Variants in MYH10 observed in about 807,000 individuals in gnomAD.
The protein encoded by MYH10 is myosin heavy chain 10.
In MYH10, 55 loss-of-function variants were observed where a neutral mutation model predicts 257.8. That is an observed-to-expected ratio of 0.21 (90% confidence interval 0.17 to 0.27). The LOEUF is 0.27. Ranked by LOEUF, MYH10 falls within the 10% of genes least tolerant of loss-of-function variation. The pLI is 1.00. For synonymous variants in MYH10, 854 were observed against 921.7 expected (o/e 0.93, Z 1.33); for missense variants, 1,631 against 2,500.6 (o/e 0.65, Z 7.42).
At chr17:8,505,718 C>T (rs752369779) in intron 27 of MYH10, among the ~76,000 whole-genome samples, 3 of 152,180 alleles carry the variant, frequency 2.0e-5, no homozygotes, top group East Asian at 1.9e-4. Flanking sequence ...AGGTGGCTCA[C>T]GCCTGTAATC....
chr17:8,480,426 G>T lies in MYH10; in HGVS notation c.5364C>A (p.Asp1788Glu). ...EEQSNMELLN[D>E]RFRKTTLQVD... ...CCTGTAGAGTGGTCTTGCGGAAGCG[G>T]TCGTTGAGCAGCTCCATGTTGCTCT... Residue 1788 changes from aspartate (D) to glutamate (E), a missense_variant, in exon 39 of 43, where the codon GAC becomes GAA. By Grantham distance (45) the Asp-to-Glu change is conservative. Around this residue, in one of 11 missense-constraint regions of MYH10, gnomAD observed 343 missense variants for 389.5 expected, o/e 0.88. Coordinates refer to ENST00000360416, the MANE Select transcript of MYH10 (RefSeq NM_001256012.3). 3.7e-6 allele frequency: 6 copies of T among 1,613,280 alleles called. No individual in the cohort carries two copies. Among genetic ancestry groups the T allele is most frequent in the Non-Finnish European group, 5.1e-6 (6 of 1,180,014 alleles).
At chr17:8,500,727 C>T (rs1474152531) in intron 29 of MYH10, 99 bp downstream of exon 29, 2 of 1,414,948 alleles carry the variant, frequency 1.4e-6, no homozygotes, top group Non-Finnish European at 1.9e-6. Context: ...AGGCTGGAGC[C>T]TAATCAATAC....
intron 17 of MYH10, among the ~76,000 whole-genome samples, chr17:8,521,787 T>A (rs1188134766): frequency 6.6e-6 from 1 of 152,160 alleles, no homozygotes; most frequent in African/African-American, 2.4e-5. Flanking sequence ...GTGAGAAAAG[T>A]CATTCAAGTT....
At chr17:8,573,170 T>C (rs1440600555) in intron 6 of MYH10, among the ~76,000 whole-genome samples, 1 of 152,214 alleles carries the variant, frequency 6.6e-6, no homozygotes, top group Non-Finnish European at 1.5e-5. Flanking sequence ...TATTACATAG[T>C]ATATAATATA....
At chr17:8,547,543 T>C (rs2151954472) in intron 11 of MYH10, among the ~76,000 whole-genome samples, 1 of 151,776 alleles carries the variant, frequency 6.6e-6, no homozygotes, top group African/African-American at 2.4e-5. Context: ...AAATTGGTTA[T>C]AAAAAACGAT....
chr17:8,484,933 A>T (rs1914503835), intron 36 of MYH10, among the ~76,000 whole-genome samples: 1 of 152,232 alleles, frequency 6.6e-6, no homozygotes, highest in Admixed American at 6.5e-5. Flanking sequence ...TCTACTTAAC[A>T]ATGCAATAGA....
At chr17:8,508,107 T>G (rs560332024) in intron 26 of MYH10, among the ~76,000 whole-genome samples, 1 of 152,326 alleles carries the variant, frequency 6.6e-6, no homozygotes, top group Middle Eastern at 3.4e-3. Flanking sequence ...TGCGGTTGCA[T>G]GATCATAGCT....
chr17:8,620,488 A>C (rs2085423297), intron 2 of MYH10, among the ~76,000 whole-genome samples: 2 of 152,290 alleles, frequency 1.3e-5, no homozygotes, highest in South Asian at 4.1e-4. Context: ...TGGGGGTCAG[A>C]GAGAATAAAT....
chr17:8,523,509 C>T (rs909974032), intron 17 of MYH10, among the ~76,000 whole-genome samples: 1 of 152,186 alleles, frequency 6.6e-6, no homozygotes, highest in Non-Finnish European at 1.5e-5. Flanking sequence ...GATGACCACT[C>T]CAGTCGGTGC....
chr17:8,516,308 T>C (rs966396106), intron 21 of MYH10, among the ~76,000 whole-genome samples: 1 of 152,264 alleles, frequency 6.6e-6, no homozygotes, highest in African/African-American at 2.4e-5. Context: ...TGGATTTCTG[T>C]AAAGATACCT....
At chr17:8,553,841 G>T in intron 8 of MYH10, 114 bp downstream of exon 8, 1 of 803,392 alleles carries the variant, frequency 1.2e-6, no homozygotes, top group Non-Finnish European at 2.1e-6. Context: ...GCTATCTCTG[G>T]GCTCAAGTTT....
intron 2 of MYH10, among the ~76,000 whole-genome samples, chr17:8,606,803 A>G (rs904865441): frequency 6.6e-6 from 1 of 152,208 alleles, no homozygotes; most frequent in African/African-American, 2.4e-5. Flanking sequence ...TACTGAGCAG[A>G]CCAGGAGGTT....
intron 28 of MYH10, among the ~76,000 whole-genome samples, chr17:8,503,686 G>A (rs1247256705): frequency 1.3e-5 from 2 of 152,142 alleles, no homozygotes; most frequent in Non-Finnish European, 2.9e-5. Context: ...TTCCCTCCTG[G>A]TTGCTCTGGG....
intron 4 of MYH10, among the ~76,000 whole-genome samples, chr17:8,588,268 A>G (rs1254888234): frequency 6.6e-6 from 1 of 152,090 alleles, no homozygotes; most frequent in Non-Finnish European, 1.5e-5. Flanking sequence ...CTGCATTTCT[A>G]GCACAGATCT....
At chr17:8,502,326 C>A (rs1000393705) in intron 28 of MYH10, among the ~76,000 whole-genome samples, 3 of 152,158 alleles carry the variant, frequency 2.0e-5, no homozygotes, top group African/African-American at 7.2e-5. Flanking sequence ...TCTTTGTGGT[C>A]CAGCCTAGCT....
intron 6 of MYH10, among the ~76,000 whole-genome samples, chr17:8,570,746 C>A (rs1209915273): frequency 6.6e-6 from 1 of 152,110 alleles, no homozygotes; most frequent in African/African-American, 2.4e-5. Flanking sequence ...ATATAAAGAA[C>A]CTCACATGAG....
intron 30 of MYH10, among the ~76,000 whole-genome samples, chr17:8,497,861 T>G (rs1916896403): frequency 6.6e-6 from 1 of 151,938 alleles, no homozygotes; most frequent in South Asian, 2.1e-4. Context: ...AGTCGTTATT[T>G]CCTAAAACAT....
At chr17:8,511,704 A>G (rs368588164) in intron 24 of MYH10, among the ~76,000 whole-genome samples, 1 of 152,234 alleles carries the variant, frequency 6.6e-6, no homozygotes, top group South Asian at 2.1e-4. Flanking sequence ...AAAATTTCAA[A>G]CACACATACA....
chr17:8,630,180 C>A (rs908612123), intron 1 of MYH10, among the ~76,000 whole-genome samples: 4 of 151,684 alleles, frequency 2.6e-5, no homozygotes, highest in Middle Eastern at 3.2e-3. Context: ...AATCCCCTCT[C>A]TTCCTGGGAG....
Sources: gnomAD v4.1 joint callset for allele counts (sites outside exome capture counted in the v4.1 genomes callset) on GRCh38, gnomAD v4.1.1 for gene constraint, gnomAD v4.1.1 regional missense constraint, MANE v1.5 for transcripts, NCBI Gene and HGNC (gene_info 2026-07-23, HGNC 2026-07-21) for gene names.